Variants in ACOXL observed in about 807,000 individuals in gnomAD.
ACOXL encodes acyl-CoA oxidase like.
Under a neutral mutation model 71.9 loss-of-function variants are expected in ACOXL, and 70 were observed. The observed-to-expected ratio is 0.97, with a 90% CI of 0.80 to 1.19. ACOXL has a LOEUF of 1.19. Among genes scored for constraint, ACOXL ranks in the 50% most tolerant of loss-of-function variants. The pLI is 0.00. For missense variants in ACOXL, 703 were observed against 736.3 expected (o/e 0.95, Z 0.52); for synonymous variants, 253 against 281.6 (o/e 0.90, Z 1.02).
At chr2:110,839,574 GTTCTTTTTGCAAACGTAA>G (rs1423870053) in intron 9 of ACOXL, among the ~76,000 whole-genome samples, 36 of 152,236 alleles carry the variant, frequency 2.4e-4, no homozygotes, top group African/African-American at 8.7e-4. Context: ...ACTTTGAACT[GTTCTTTTTGCAAACGTAA>G]GTCTCTGATT....
At chr2:110,846,576 TTCAA>T (rs1248037449) in intron 10 of ACOXL, among the ~76,000 whole-genome samples, 3 of 151,510 alleles carry the variant, frequency 2.0e-5, no homozygotes, top group Non-Finnish European at 4.4e-5. Context: ...CTCTCCTTTA[TTCAA>T]ATGAACAGCG....
intron 15 of ACOXL, among the ~76,000 whole-genome samples, chr2:111,046,572 C>T (rs986145368): frequency 3.9e-5 from 6 of 152,054 alleles, no homozygotes; most frequent in African/African-American, 1.4e-4. Flanking sequence ...GGAAAAGTGC[C>T]GAGCAAAAGG....
intron 10 of ACOXL, among the ~76,000 whole-genome samples, chr2:110,846,546 A>C (rs1259956458): frequency 6.6e-6 from 1 of 151,884 alleles, no homozygotes; most frequent in African/African-American, 2.4e-5. Context: ...ATGCATATGC[A>C]GTGGTGCTTC....
At chr2:110,895,193 A>C (rs541520697) in intron 10 of ACOXL, among the ~76,000 whole-genome samples, 1 of 152,324 alleles carries the variant, frequency 6.6e-6, no homozygotes, top group African/African-American at 2.4e-5. Context: ...CTCAGCAGAA[A>C]ATATAAAGTC....
At chr2:111,029,534 G>A (rs2065169893) in intron 14 of ACOXL, among the ~76,000 whole-genome samples, 1 of 152,242 alleles carries the variant, frequency 6.6e-6, no homozygotes, top group African/African-American at 2.4e-5. Flanking sequence ...GAGGATCACT[G>A]TGAAGCCCGC....
At chr2:110,809,372 A>G (rs966015933) in intron 9 of ACOXL, among the ~76,000 whole-genome samples, 5 of 152,220 alleles carry the variant, frequency 3.3e-5, no homozygotes, top group African/African-American at 7.2e-5. Flanking sequence ...GCGGGGCTGC[A>G]TGCTGAGTGC....
intron 10 of ACOXL, among the ~76,000 whole-genome samples, chr2:110,846,374 C>G (rs921764791): frequency 6.6e-6 from 1 of 152,042 alleles, no homozygotes; most frequent in Non-Finnish European, 1.5e-5. Context: ...GATGAATGTG[C>G]AGAGGAGGGA....
At chr2:110,975,521 C>A (rs2062405398) in intron 12 of ACOXL, among the ~76,000 whole-genome samples, 1 of 151,960 alleles carries the variant, frequency 6.6e-6, no homozygotes, top group East Asian at 1.9e-4. Flanking sequence ...AAATAAGAAT[C>A]TTTTCTTATA....
At chr2:110,793,038 G>C (rs1684836443) in intron 3 of ACOXL, among the ~76,000 whole-genome samples, 1 of 152,208 alleles carries the variant, frequency 6.6e-6, no homozygotes, top group Non-Finnish European at 1.5e-5. Flanking sequence ...GTGAGAGTCA[G>C]TGAGCTTGTA....
intron 8 of ACOXL, among the ~76,000 whole-genome samples, chr2:110,804,094 C>A (rs1159399388): frequency 6.7e-6 from 1 of 148,262 alleles, no homozygotes; most frequent in Non-Finnish European, 1.5e-5. Context: ...TCAAGTGATT[C>A]TTTTGCCTCA....
intron 12 of ACOXL, among the ~76,000 whole-genome samples, chr2:110,985,164 A>C (rs2062872757): frequency 3.5e-5 from 1 of 28,608 alleles, no homozygotes; most frequent in Non-Finnish European, 6.5e-5. Flanking sequence ...ATGGAACTGG[A>C]TTGCTATTAT....
rs575320441 is a variant in ACOXL at position 110,774,391 on chromosome 2, G to A, written c.75+5927G>A. ...AAATTGGAAAAGAAGAAGTAAAATA[G>A]TCTCTCTGAGCAGATGACAGGATCT... On this transcript the variant is annotated intron_variant, in intron 2 of 17. Transcript: ENST00000439055. 4.6e-5 allele frequency among the ~76,000 whole-genome samples: 7 copies of A among 152,272 alleles called. No individual in the cohort carries two copies. In the South Asian group the frequency reaches 1.5e-3, roughly 32 times the overall value.
chr2:110,736,759 A>G (rs1450845510), intron 1 of ACOXL, among the ~76,000 whole-genome samples: 1 of 152,046 alleles, frequency 6.6e-6, no homozygotes, highest in Non-Finnish European at 1.5e-5. Context: ...AGCTGGGACT[A>G]CAGGCACCCA....
intron 14 of ACOXL, among the ~76,000 whole-genome samples, chr2:111,020,615 A>G (rs1236349043): frequency 1.3e-5 from 2 of 152,158 alleles, no homozygotes; most frequent in African/African-American, 4.8e-5. Flanking sequence ...GTATCTTTGA[A>G]TATACATTTA....
chr2:110,782,111 C>A (rs1249103899), intron 2 of ACOXL, among the ~76,000 whole-genome samples: 2 of 152,174 alleles, frequency 1.3e-5, no homozygotes, highest in East Asian at 3.8e-4. Flanking sequence ...TTTAAAATCA[C>A]TACAAACTTA....
chr2:110,984,200 C>T (rs536160573), intron 12 of ACOXL, among the ~76,000 whole-genome samples: 5 of 152,118 alleles, frequency 3.3e-5, no homozygotes, highest in South Asian at 4.1e-4. Flanking sequence ...TCATTCTATG[C>T]GCTTTTAACT....
At chr2:110,757,647 A>C (rs1463195795) in intron 1 of ACOXL, among the ~76,000 whole-genome samples, 5 of 152,064 alleles carry the variant, frequency 3.3e-5, no homozygotes, top group Non-Finnish European at 7.3e-5. Flanking sequence ...TCTAATGATC[A>C]GTGATGTTGA....
Position 110,840,255 on chromosome 2 carries a change from TGTTTGACCTG to T in ACOXL, c.754-1113_754-1104del, listed in dbSNP as rs549814971. Among the ~76,000 whole-genome samples, 49 of 152,308 alleles carry T rather than the reference TGTTTGACCTG, an allele frequency of 3.2e-4. No individual in the cohort carries two copies. The East Asian group carries it at 9.1e-3, about 28-fold the overall frequency. ...TGGGCTAGTGAAACTTACATAGGCA[TGTTTGACCTG>T]GTCATCACTTGTTGTATGATGAAAT... On this transcript the variant is annotated intron_variant, in intron 9 of 17. Coordinates refer to ENST00000439055, the MANE Select transcript of ACOXL (RefSeq NM_001142807.4).
intron 17 of ACOXL, chr2:111,099,638 T>G (rs766506226): frequency 6.6e-6 from 1 of 152,250 alleles, no homozygotes; most frequent in Admixed American, 6.5e-5. Context: ...AAGATTCCTG[T>G]GTCCTGGCCA....
Sources: gnomAD v4.1 joint callset for allele counts (sites outside exome capture counted in the v4.1 genomes callset) on GRCh38, gnomAD v4.1.1 for gene constraint, MANE v1.5 for transcripts, NCBI Gene and HGNC (gene_info 2026-07-23, HGNC 2026-07-21) for gene names.